TBC1D17: variants seen among roughly 807,000 people sequenced by gnomAD.
The protein encoded by TBC1D17 is TBC1 domain family member 17, also known as TBC1 domain family, member 17.
TBC1D17 carries 69 observed loss-of-function variants against 78.8 expected under a neutral mutation model. The observed-to-expected ratio is 0.88, with a 90% CI of 0.72 to 1.07. The LOEUF (loss-of-function observed/expected upper bound fraction) is 1.07, where lower values mean the gene tolerates loss of function less well. TBC1D17 is among the 50% of genes least tolerant of loss of function. The probability of loss-of-function intolerance (pLI) is 0.00; values close to 1 mark genes in which losing one functional copy is unlikely to be tolerated. For missense variants in TBC1D17, 957 were observed against 861.0 expected, an observed-to-expected ratio of 1.11 and a Z score of -1.39; for synonymous variants, 456 against 358.3, an observed-to-expected ratio of 1.27 and a Z score of -3.08.
Position 49,887,849 on chromosome 19 carries a change from C to A in TBC1D17, c.1659+15C>A, listed in dbSNP as rs1292452860. 3 of 1,589,584 alleles carry A rather than the reference C, an allele frequency of 1.9e-6. No individual in the cohort carries two copies. The African/African-American group carries it at 4.0e-5, about 21-fold the overall frequency. ...AGATCCTCAAGGTGAGGCTCCGGCCCCGCCCCCGCCCTGTCCCCCCTGAGC... is the reference window on the plus strand; with the variant it reads ...AGATCCTCAAGGTGAGGCTCCGGCCACGCCCCCGCCCTGTCCCCCCTGAGC... On this transcript the variant is annotated intron_variant, in intron 15 of 16. Transcript: ENST00000221543.
intron 3 of TBC1D17, 149 bp downstream of exon 3, chr19:49,878,721 T>A: frequency 1.5e-6 from 1 of 680,250 alleles, no homozygotes; most frequent in Non-Finnish European, 2.5e-6. Context: ...CCTCTCCTTT[T>A]GCTCCTCTCT....
chr19:49,880,201 G>C, intron 3 of TBC1D17, 78 bp from the exon 4 acceptor site: 1 of 1,549,262 alleles, frequency 6.5e-7, no homozygotes, highest in East Asian at 2.3e-5. Context: ...TTATTCAATG[G>C]GGCTATCTTC....
chr19:49,885,010 A>G (rs1015004884), intron 13 of TBC1D17, among the ~76,000 whole-genome samples: 1 of 152,146 alleles, frequency 6.6e-6, no homozygotes, highest in African/African-American at 2.4e-5. Context: ...CTTTGGCTTA[A>G]CCTGCAGGGT....
In TBC1D17 at chr19:49,883,749, A is replaced by G. The variant is rs765313772; in HGVS notation, c.1126+4A>G. On this transcript the variant is annotated splice_donor_region_variant and intron_variant, in intron 10 of 16. Transcript: ENST00000221543. The stretch of plus-strand genomic sequence containing the variant: ...CATGGATACCGCAGCCTCATCGGTC[A>G]GTGTCAGGGGTGGCACTTAGGGTGG... The G allele has an allele frequency of 3.7e-6, 6 of 1,613,186 alleles. No individual in the cohort carries two copies. The highest frequency in any genetic ancestry group is 5.1e-6 in the Non-Finnish European group (6 of 1,179,610).
At chr19:49,878,436 C>G in intron 2 of TBC1D17, 62 bp from the exon 3 acceptor site, 1 of 1,510,388 alleles carries the variant, frequency 6.6e-7, no homozygotes, top group Non-Finnish European at 9.2e-7. Context: ...AAATTTGCAA[C>G]GGAAAGTTTT....
chr19:49,884,872 A>G, intron 13 of TBC1D17, 114 bp downstream of exon 13: 3 of 872,640 alleles, frequency 3.4e-6, no homozygotes, highest in South Asian at 1.5e-5. Flanking sequence ...AACAAGAGAA[A>G]CATCCCCACA....
Position 49,885,459 on chromosome 19 carries a change from A to AT in TBC1D17, c.1444+701_1444+702insT, listed in dbSNP as rs1568677515. On this transcript the variant is annotated intron_variant, in intron 13 of 16. Coordinates refer to ENST00000221543, the MANE Select transcript of TBC1D17 (RefSeq NM_024682.3). The stretch of plus-strand genomic sequence containing the variant: ...AAAGAAACTCCATCTCAAAAAAAAA[A>AT]AAAAAAAAAAATATATTCTTTATTA... 4.3e-3 allele frequency: 644 copies of AT among 151,420 alleles called. 6 individuals carry two copies. The highest frequency in any genetic ancestry group is 0.015 in the African/African-American group (623 of 41,130). 9.4% of individuals were successfully genotyped at this position (151,420 alleles called of 1,614,324 possible).
chr19:49,884,784 G>A (rs1397203094), intron 13 of TBC1D17, 26 bp downstream of exon 13: 1 of 1,602,320 alleles, frequency 6.2e-7, no homozygotes, highest in Non-Finnish European at 8.5e-7. Context: ...GGGTGGGCAG[G>A]AGACAATGGG....
rs770221788 is a variant in TBC1D17, at chr19:49,888,438, C to T, written c.1761C>T (p.Asn587=). The change falls in exon 17 of 17, where the codon AAC becomes AAT. Residue 587 remains asparagine, a synonymous_variant. Coordinates refer to ENST00000221543, the MANE Select transcript of TBC1D17 (RefSeq NM_024682.3). The part of the protein sequence containing the change: ...QLTACPELPH[N]VQEILGLAPP... The stretch of plus-strand genomic sequence containing the variant: ...CGTGCCTCCAGGAGCTGCCCCACAA[C>T]GTGCAGGAGATCCTGGGGCTGGCCC... 11 of 1,596,310 alleles carry T rather than the reference C, an allele frequency of 6.9e-6. No homozygotes were observed. The highest frequency in any genetic ancestry group is 4.0e-5 in the African/African-American group (3 of 74,232).
At chr19:49,878,663 G>C (rs1035592555) in intron 3 of TBC1D17, 91 bp downstream of exon 3, 15 of 1,262,204 alleles carry the variant, frequency 1.2e-5, no homozygotes, top group Non-Finnish European at 1.7e-5. Context: ...TACAATCCCA[G>C]ACCTACTCGT....
intron 3 of TBC1D17, chr19:49,878,914 G>A (rs2074985111): frequency 3.4e-6 from 1 of 293,856 alleles, no homozygotes; most frequent in Admixed American, 4.7e-5. Context: ...GACAGGGCCT[G>A]ACAGCCTACT....
Position 49,882,874 on chromosome 19 carries a change from G to A in TBC1D17, c.909G>A (p.Lys303=), listed in dbSNP as rs765893157. The change falls in exon 8 of 17, where the codon AAG becomes AAA. Residue 303 remains lysine (K), a synonymous_variant. Transcript: ENST00000221543. ...EGRLQQVPEL[K]NRIFSGGLSP... is the part of the protein sequence containing the mutation. ...GCCTGCAGCAGGTCCCTGAGCTGAA[G>A]AACCGGATCTTCTCGGGGGTGAGTG... 2.8e-5 allele frequency: 45 copies of A among 1,609,734 alleles called. No homozygotes were observed. The highest frequency in any genetic ancestry group is 3.8e-5 in the Non-Finnish European group (45 of 1,178,500).
At position 49,881,387 on chromosome 19, in the gene TBC1D17, G is replaced by A; in HGVS notation, c.439G>A (p.Ala147Thr). ...GGCCTACCTGGTTCTGGTGACCCAG[G>A]CTGGAGGTTCCCTGCCCGCACTGCA... is the stretch of plus-strand genomic sequence containing the variant. ...SWAYLVLVTQ[A>T]GGSLPALHFH... Residue 147 changes from alanine (A) to threonine (T), a missense_variant, in exon 5 of 17, where the codon GCT (alanine) becomes ACT (threonine). Transcript: ENST00000221543. The A allele has an allele frequency of 6.2e-7, 1 of 1,613,184 alleles. No individual in the cohort carries two copies. The highest frequency in any genetic ancestry group is 2.2e-5 in the East Asian group (1 of 44,874).
rs2075004064 is a variant in TBC1D17, at chr19:49,880,516, TCAC to T, written c.319+119_319+121del. 51 of 1,370,010 alleles carry T rather than the reference TCAC, an allele frequency of 3.7e-5. No individual in the cohort carries two copies. The East Asian group carries it at 1.3e-3, about 34-fold the overall frequency. 84.9% of individuals were successfully genotyped at this position (1,370,010 alleles called of 1,614,324 possible). Reference sequence around the variant, plus strand: ...TGCCCACAATCAAGAAGGCCACCAGTCACCACCTTCCAGTCCCAGGAGCATGGA... The same window carrying T: ...TGCCCACAATCAAGAAGGCCACCAGTCACCTTCCAGTCCCAGGAGCATGGA... On this transcript the variant is annotated intron_variant, in intron 4 of 16. Coordinates refer to ENST00000221543, the MANE Select transcript of TBC1D17 (RefSeq NM_024682.3).
chr19:49,886,134 G>A (rs1423985523), intron 13 of TBC1D17, among the ~76,000 whole-genome samples: 4 of 151,710 alleles, frequency 2.6e-5, no homozygotes, highest in East Asian at 1.9e-4. Context: ...ACAAAAATTA[G>A]CCGGGGGTGG....
At chr19:49,885,976 A>G (rs1024541249) in intron 13 of TBC1D17, among the ~76,000 whole-genome samples, 3 of 137,270 alleles carry the variant, frequency 2.2e-5, no homozygotes, top group African/African-American at 5.8e-5. Flanking sequence ...CCTTGCCTCA[A>G]AAAAAAAAAA....
rs2074976142 is a variant in TBC1D17 at position 49,878,167 on chromosome 19, T to C, written c.46T>C (p.Tyr16His). 6 of 1,578,020 alleles carry C rather than the reference T, an allele frequency of 3.8e-6. No homozygotes were observed. The highest frequency in any genetic ancestry group is 1.8e-5 in the Admixed American group (1 of 54,886). The change falls in exon 2 of 17, where the codon TAC becomes CAC. Residue 16 changes from tyrosine to histidine, a missense_variant. Coordinates refer to ENST00000221543, the MANE Select transcript of TBC1D17 (RefSeq NM_024682.3). Reference sequence around the variant, plus strand: ...GGTGGTGTTTGAGAAGGGCGGAGTGTACCTGCACACCAGCGCTAAGAAGTA... The same window carrying C: ...GGTGGTGTTTGAGAAGGGCGGAGTGCACCTGCACACCAGCGCTAAGAAGTA... ...YRVVFEKGGV[Y>H]LHTSAKKYQD...
chr19:49,886,752 C>A (rs2075061776), intron 13 of TBC1D17: 1 of 152,338 alleles, frequency 6.6e-6, no homozygotes, highest in Non-Finnish European at 1.5e-5. Context: ...CTCTCACTTT[C>A]ATTTGAGTTA....
chr19:49,884,831 A>G, intron 13 of TBC1D17, 73 bp downstream of exon 13: 1 of 1,341,990 alleles, frequency 7.5e-7, no homozygotes, highest in Non-Finnish European at 1.1e-6. Context: ...TAGCAGCCAC[A>G]GTGGCATCCT....
Sources: allele counts gnomAD v4.1 joint callset (sites outside exome capture counted in the v4.1 genomes callset), GRCh38; gene constraint gnomAD v4.1.1; transcripts MANE v1.5; gene names NCBI Gene and HGNC (gene_info 2026-07-23, HGNC 2026-07-21).